Variants in BASP1 observed in about 807,000 individuals in gnomAD.
The protein encoded by BASP1 is brain acid soluble protein 1.
BASP1 carries 1 observed loss-of-function variant against 2.2 expected under a neutral mutation model. The ratio of observed to expected loss-of-function variants is 0.46; its 90% CI spans 0.16 to 2.17. The LOEUF (loss-of-function observed/expected upper bound fraction) is 2.17. BASP1 is among the 30% of genes most tolerant of loss of function. The pLI, the probability that BASP1 is intolerant of heterozygous loss-of-function variation, is 0.27. For synonymous variants in BASP1, 187 were observed against 154.2 expected, an observed-to-expected ratio of 1.21 and a Z score of -1.58; for missense variants, 352 against 327.2, an observed-to-expected ratio of 1.08 and a Z score of -0.58.
At chr5:17,267,852 AT>A (rs1021780008) in intron 1 of BASP1, among the ~76,000 whole-genome samples, 3 of 80,160 alleles carry the variant, frequency 3.7e-5, no homozygotes, top group Non-Finnish European at 7.4e-5. Flanking sequence ...GCTTTTTAAA[AT>A]TTTTTTTATT....
chr5:17,267,817 CTTTTTTTTTT>C (rs748938177), intron 1 of BASP1, among the ~76,000 whole-genome samples: 2 of 33,432 alleles, frequency 6.0e-5, no homozygotes, highest in African/African-American at 2.9e-4. Flanking sequence ...GCTCCCAGCC[CTTTTTTTTTT>C]TTTTTTTTTT....
intron 1 of BASP1, among the ~76,000 whole-genome samples, chr5:17,272,776 G>A (rs547875451): frequency 6.6e-4 from 100 of 152,184 alleles, no homozygotes; most frequent in African/African-American, 2.3e-3. Flanking sequence ...GTTCATTTTC[G>A]ACCCAGAAAC....
At chr5:17,245,962 G>T (rs1032844065) in intron 1 of BASP1, among the ~76,000 whole-genome samples, 3 of 151,908 alleles carry the variant, frequency 2.0e-5, no homozygotes, top group African/African-American at 7.3e-5. Context: ...TAATACCAAC[G>T]CGTGGATAGA....
chr5:17,247,117 A>G (rs1182425879), intron 1 of BASP1, among the ~76,000 whole-genome samples: 1 of 152,180 alleles, frequency 6.6e-6, no homozygotes, highest in Non-Finnish European at 1.5e-5. Context: ...TCCAGGAGGC[A>G]GAGGCTGCAG....
At chr5:17,239,340 G>A (rs1243681941) in intron 1 of BASP1, among the ~76,000 whole-genome samples, 2 of 152,036 alleles carry the variant, frequency 1.3e-5, no homozygotes, top group Non-Finnish European at 2.9e-5. Flanking sequence ...TGATCCGCCC[G>A]CCTCAGCCTC....
intron 1 of BASP1, among the ~76,000 whole-genome samples, chr5:17,253,929 T>G (rs77503234): frequency 2.0e-5 from 3 of 150,936 alleles, no homozygotes; most frequent in African/African-American, 7.3e-5. Context: ...GTATCTAGTG[T>G]TTTTTTTTGT....
intron 1 of BASP1, among the ~76,000 whole-genome samples, chr5:17,243,078 C>G (rs1739900281): frequency 6.6e-6 from 1 of 151,874 alleles, no homozygotes; most frequent in Admixed American, 6.6e-5. Context: ...TCTGTTGCCC[C>G]CAGCAAGTTG....
rs974271460 is a variant in BASP1, at chr5:17,234,668, C to T, written c.-10+16858C>T. ...TTTGTTTATTGATGGAGTTGGGAGA[C>T]GCATCTCCTTTAAGTAGCTTACAGT... On this transcript the variant is annotated intron_variant, in intron 1 of 1. Transcript: ENST00000322611. Among the ~76,000 whole-genome samples the T allele has an allele frequency of 1.4e-4, 21 of 152,248 alleles. No homozygotes were observed. In the East Asian group the frequency reaches 3.5e-3, roughly 25 times the overall value.
chr5:17,245,929 G>T (rs1008591064), intron 1 of BASP1, among the ~76,000 whole-genome samples: 1 of 151,828 alleles, frequency 6.6e-6, no homozygotes, highest in African/African-American at 2.4e-5. Context: ...GGGACAGTAG[G>T]GCATTACTAC....
At chr5:17,229,784 G>T (rs866335345) in intron 1 of BASP1, among the ~76,000 whole-genome samples, 32 of 128,906 alleles carry the variant, frequency 2.5e-4, no homozygotes, top group African/African-American at 7.3e-4. Context: ...GTAGGATTGG[G>T]TTTTTTTTTT....
rs1739737688 is a variant in BASP1, at chr5:17,236,074, T to C, written c.-10+18264T>C. On this transcript the variant is annotated intron_variant, in intron 1 of 1. Transcript: ENST00000322611. The surrounding 1 kb of genome is among the most constrained non-coding windows in gnomAD (Gnocchi z 4.0). Reference sequence around the variant, plus strand: ...CTCATTAGCTATTGTTAGCGTATTTTATGTGTGGCCCAAGACAATTCTTCC... The same window carrying C: ...CTCATTAGCTATTGTTAGCGTATTTCATGTGTGGCCCAAGACAATTCTTCC... Among the ~76,000 whole-genome samples the C allele has an allele frequency of 1.3e-5, 2 of 152,170 alleles. No homozygotes were observed. Among genetic ancestry groups the C allele is most frequent in the African/African-American group, 4.8e-5 (2 of 41,458 alleles).
In BASP1 at chr5:17,275,963, C is replaced by CTCTCTCTCTA; in HGVS notation, c.*70_*71insCTATCTCTCT. The CTCTCTCTCTA allele has an allele frequency of 7.5e-7, 1 of 1,336,708 alleles. No homozygotes were observed. The allele number at this position is 1,336,708 out of a possible 1,614,324, so 82.8% of individuals were successfully genotyped here. A position where few individuals can be genotyped will look rare whatever the true frequency, so the allele number is the denominator to read the frequency against. On this transcript the variant is annotated 3_prime_UTR_variant, in exon 2 of 2. Transcript: ENST00000322611. The surrounding 1 kb of genome is among the most constrained non-coding windows in gnomAD (Gnocchi z 5.3). ...CAATCTCCTCTCTCTCTCTCTCTCT[C>CTCTCTCTCTA]TCTCTCTATCTCTCTCTCTATCTCC...
At chr5:17,241,879 G>GCAAACTCA (rs1297500348) in intron 1 of BASP1, among the ~76,000 whole-genome samples, 1 of 152,160 alleles carries the variant, frequency 6.6e-6, no homozygotes, top group Non-Finnish European at 1.5e-5. Flanking sequence ...GAGCTGGCAC[G>GCAAACTCA]CAAACTCAGG....
chr5:17,275,239 A>G lies in BASP1; in HGVS notation c.23A>G (p.Lys8Arg). The change falls in exon 2 of 2, where the codon AAG becomes AGG. Residue 8 changes from lysine (K) to arginine (R), a missense_variant. Transcript: ENST00000322611. This position sits in a 1 kb window ranked among gnomAD's most constrained non-coding sequence, Gnocchi z 5.3. MGGKLSK[K>R]KKGYNVNDEK... ...AAGATGGGAGGCAAGCTCAGCAAGA[A>G]GAAGAAGGGCTACAATGTGAACGAC... 1.2e-6 allele frequency: 2 copies of G among 1,613,824 alleles called. No homozygotes were observed. The highest frequency in any genetic ancestry group is 1.7e-6 in the Non-Finnish European group (2 of 1,179,962).
intron 1 of BASP1, among the ~76,000 whole-genome samples, chr5:17,238,603 C>T (rs1001182374): frequency 2.6e-5 from 4 of 152,280 alleles, no homozygotes; most frequent in African/African-American, 7.2e-5. Flanking sequence ...GAGGCATCAC[C>T]GCATTCATTC....
In BASP1 at chr5:17,275,662, A is replaced by C. The variant is rs1317728877; in HGVS notation, c.446A>C (p.Lys149Thr). The change falls in exon 2 of 2, where the codon AAA becomes ACA. Residue 149 changes from lysine (K) to threonine (T), a missense_variant. Lys to Thr is a moderately conservative substitution (Grantham distance 78). Coordinates refer to ENST00000322611, the MANE Select transcript of BASP1 (RefSeq NM_006317.5). This position sits in a 1 kb window ranked among gnomAD's most constrained non-coding sequence, Gnocchi z 5.3. The part of the protein sequence containing the change: ...EEPSKEEGEP[K>T]KTEAPAAPAA... ...CCCAGCAAGGAGGAAGGGGAACCCA[A>C]AAAGACTGAGGCGCCCGCAGCTCCT... 1.9e-6 allele frequency: 3 copies of C among 1,548,750 alleles called. No homozygotes were observed. Among genetic ancestry groups the C allele is most frequent in the Non-Finnish European group, 2.6e-6 (3 of 1,148,276 alleles).
chr5:17,246,372 C>T (rs766981633), intron 1 of BASP1, among the ~76,000 whole-genome samples: 2 of 151,862 alleles, frequency 1.3e-5, no homozygotes, highest in Admixed American at 1.3e-4. Flanking sequence ...CCTGTCATCC[C>T]AGCTACTTGG....
chr5:17,243,793 C>T (rs556577669), intron 1 of BASP1, among the ~76,000 whole-genome samples: 6 of 152,258 alleles, frequency 3.9e-5, no homozygotes, highest in African/African-American at 1.4e-4. Flanking sequence ...TGCCTCCAGA[C>T]CCTGGGTCTG....
At chr5:17,262,809 G>T (rs1033771342) in intron 1 of BASP1, among the ~76,000 whole-genome samples, 1 of 150,458 alleles carries the variant, frequency 6.6e-6, no homozygotes, top group Non-Finnish European at 1.5e-5. Context: ...TCCCTGTCAC[G>T]TCTTACACCT....
Sources: gnomAD v4.1 joint callset for allele counts (sites outside exome capture counted in the v4.1 genomes callset) on GRCh38, gnomAD v4.1.1 for gene constraint, Gnocchi (gnomAD v3.1) non-coding constraint, MANE v1.5 for transcripts, NCBI Gene and HGNC (gene_info 2026-07-23, HGNC 2026-07-21) for gene names.